TRAF7: variants seen among roughly 807,000 people sequenced by gnomAD.
TRAF7 encodes E3 ubiquitin-protein ligase TRAF7.
TRAF7 carries 45 observed loss-of-function variants against 89.3 expected under a neutral mutation model. The observed-to-expected ratio is 0.50, with a 90% CI of 0.40 to 0.65. The LOEUF is 0.65. TRAF7 is among the 30% of genes least tolerant of loss of function. The pLI is 0.00. For missense variants in TRAF7, 677 were observed against 918.1 expected (o/e 0.74, Z 3.39); for synonymous variants, 406 against 369.2 (o/e 1.10, Z -1.14).
chr16:2,174,236 C>T lies in TRAF7; in HGVS notation c.1264-15C>T, dbSNP rs370011215. 1.3e-5 allele frequency: 21 copies of T among 1,611,250 alleles called. No homozygotes were observed. The highest frequency in any genetic ancestry group is 1.7e-5 in the Non-Finnish European group (20 of 1,178,994). Reference sequence around the variant, plus strand: ...CTGACCTTGCTGGGACCCACTGTGGCCCTGGTCTCTGCAGGTGTGGGACAC... The same window carrying T: ...CTGACCTTGCTGGGACCCACTGTGGTCCTGGTCTCTGCAGGTGTGGGACAC... On this transcript the variant is annotated splice_polypyrimidine_tract_variant and intron_variant, in intron 13 of 20. Transcript: ENST00000326181.
At position 2,161,132 on chromosome 16, in the gene TRAF7, G is replaced by A. The variant is rs765526503; in HGVS notation, c.-38-2751G>A. Among the ~76,000 whole-genome samples the A allele has an allele frequency of 9.2e-5, 14 of 152,074 alleles. No homozygotes were observed. Among genetic ancestry groups the A allele is most frequent in the Non-Finnish European group, 1.9e-4 (13 of 67,946 alleles). On this transcript the variant is annotated intron_variant, in intron 1 of 20. Coordinates refer to ENST00000326181, the MANE Select transcript of TRAF7 (RefSeq NM_032271.3). The surrounding 1 kb of genome is among the most constrained non-coding windows in gnomAD (Gnocchi z 5.2). Reference sequence around the variant, plus strand: ...CTGGCTGGGGCTGAACACTGAACCCGAGTGAACTGGGAAGCAGCCTCCTGT... The same window carrying A: ...CTGGCTGGGGCTGAACACTGAACCCAAGTGAACTGGGAAGCAGCCTCCTGT...
rs1452033421 is a variant in TRAF7 at position 2,168,300 on chromosome 16, C to T, written c.231+132C>T. 2.9e-6 allele frequency: 2 copies of T among 696,418 alleles called. No homozygotes were observed. Among genetic ancestry groups the T allele is most frequent in the East Asian group, 2.9e-5 (1 of 34,190 alleles). 43.1% of individuals were successfully genotyped at this position (696,418 alleles called of 1,614,324 possible). A position where few individuals can be genotyped will look rare whatever the true frequency, so the allele number is the denominator to read the frequency against. On this transcript the variant is annotated intron_variant, in intron 4 of 20. Transcript: ENST00000326181. This position sits in a 1 kb window ranked among gnomAD's most constrained non-coding sequence, Gnocchi z 4.1. Reference sequence around the variant, plus strand: ...GGAGAAGAAGAGCACCTGTGGATACCCTGAGGCCTCGGCAGACATGGCAAG... The same window carrying T: ...GGAGAAGAAGAGCACCTGTGGATACTCTGAGGCCTCGGCAGACATGGCAAG...
intron 3 of TRAF7, among the ~76,000 whole-genome samples, chr16:2,166,542 C>T (rs1237774682): frequency 2.5e-4 from 38 of 152,086 alleles, no homozygotes; most frequent in Non-Finnish European, 2.9e-5. Context: ...GTAGCTGGGA[C>T]CACAGGCACC....
Position 2,173,211 on chromosome 16 carries a change from A to T in TRAF7, c.824A>T (p.Tyr275Phe). 6.2e-7 allele frequency: 1 copy of T among 1,611,670 alleles called. No homozygotes were observed. Reference sequence around the variant, plus strand: ...ACGTTCATCGGGAACCAGGACACTTACGAGACCCACCTGGAGACTTGCCGC... The same window carrying T: ...ACGTTCATCGGGAACCAGGACACTTTCGAGACCCACCTGGAGACTTGCCGC... ...GCTFIGNQDT[Y>F]ETHLETCRFE... The change falls in exon 10 of 21, where the codon TAC becomes TTC. Residue 275 changes from tyrosine to phenylalanine, a missense_variant. Coordinates refer to ENST00000326181, the MANE Select transcript of TRAF7 (RefSeq NM_032271.3).
At chr16:2,165,078 C>T (rs28875774) in intron 2 of TRAF7, among the ~76,000 whole-genome samples, 1 of 112,486 alleles carries the variant, frequency 8.9e-6, no homozygotes. Flanking sequence ...GTGAGTGCTG[C>T]ATGGCCTGGC....
At chr16:2,169,487 G>C (rs1325447105) in intron 4 of TRAF7, among the ~76,000 whole-genome samples, 1 of 152,088 alleles carries the variant, frequency 6.6e-6, no homozygotes, top group East Asian at 1.9e-4. Context: ...TTTCAAGAGA[G>C]GCGGGTACCT....
In TRAF7 at chr16:2,161,786, C is replaced by T. The variant is rs1209320452; in HGVS notation, c.-38-2097C>T. ...TCACCCCAAGCACAATGGCAAAAGG[C>T]AAGCCCTGGCCAGCTCTCCCCGACC... is the stretch of plus-strand genomic sequence containing the variant. On this transcript the variant is annotated intron_variant, in intron 1 of 20. Transcript: ENST00000326181. This position sits in a 1 kb window ranked among gnomAD's most constrained non-coding sequence, Gnocchi z 5.2. Among the ~76,000 whole-genome samples the T allele has an allele frequency of 6.6e-6, 1 of 152,216 alleles. No individual in the cohort carries two copies. Among genetic ancestry groups the T allele is most frequent in the African/African-American group, 2.4e-5 (1 of 41,462 alleles).
chr16:2,157,956 G>A (rs775440517), intron 1 of TRAF7, among the ~76,000 whole-genome samples: 8 of 152,152 alleles, frequency 5.3e-5, no homozygotes, highest in Non-Finnish European at 8.8e-5. Context: ...ATCTTCTCTC[G>A]GCTCCTTCCA....
Position 2,162,768 on chromosome 16 carries a change from G to A in TRAF7, c.-38-1115G>A, listed in dbSNP as rs574361791. On this transcript the variant is annotated intron_variant, in intron 1 of 20. Transcript: ENST00000326181. This position sits in a 1 kb window ranked among gnomAD's most constrained non-coding sequence, Gnocchi z 5.0. ...GAGGTGGACAGTGCAGGTGGGCCCGGGGCAGGAGTCCTGGGCACGTGGCCT... is the reference window on the plus strand; with the variant it reads ...GAGGTGGACAGTGCAGGTGGGCCCGAGGCAGGAGTCCTGGGCACGTGGCCT... 2.0e-5 allele frequency among the ~76,000 whole-genome samples: 3 copies of A among 152,056 alleles called. No homozygotes were observed. The highest frequency in any genetic ancestry group is 7.2e-5 in the African/African-American group (3 of 41,422).
Position 2,163,055 on chromosome 16 carries a change from TTCTC to T in TRAF7, c.-38-824_-38-821del, listed in dbSNP as rs1297466402. On this transcript the variant is annotated intron_variant, in intron 1 of 20. Coordinates refer to ENST00000326181, the MANE Select transcript of TRAF7 (RefSeq NM_032271.3). The surrounding 1 kb of genome is among the most constrained non-coding windows in gnomAD (Gnocchi z 4.3). ...TGTGACCTGTTGGCTGGGTCTCTTT[TTCTC>T]TCTAATGTTTACCTTCCCCTACTGG... is the stretch of plus-strand genomic sequence containing the variant. Among the ~76,000 whole-genome samples, 5 of 152,114 alleles carry T rather than the reference TTCTC, an allele frequency of 3.3e-5. No homozygotes were observed. The highest frequency in any genetic ancestry group is 1.2e-4 in the African/African-American group (5 of 41,420).
intron 2 of TRAF7, among the ~76,000 whole-genome samples, chr16:2,164,234 G>A (rs1160176464): frequency 6.6e-6 from 1 of 150,902 alleles, no homozygotes. Flanking sequence ...CGGCCTGGTT[G>A]CATGGTTAAG....
chr16:2,164,149 TGTGTGTGTGTGCGCGCGCGC>T (rs2093069061), intron 2 of TRAF7, 148 bp downstream of exon 2: 1 of 556,670 alleles, frequency 1.8e-6, no homozygotes, highest in Non-Finnish European at 3.1e-6. Context: ...GGTGTGTGTG[TGTGTGTGTGTGCGCGCGCGC>T]GCGCGCGCGC....
At chr16:2,166,735 G>C (rs996819566) in intron 3 of TRAF7, among the ~76,000 whole-genome samples, 1 of 152,210 alleles carries the variant, frequency 6.6e-6, no homozygotes, top group Non-Finnish European at 1.5e-5. Flanking sequence ...ACCACTGGGC[G>C]GGATACACGA....
Position 2,176,649 on chromosome 16 carries a change from G to C in TRAF7, c.*75G>C, listed in dbSNP as rs913135751. On this transcript the variant is annotated 3_prime_UTR_variant, in exon 21 of 21. Transcript: ENST00000326181. ...CTGAGCCAGGCTGGCCACATGGGGT[G>C]GTCTCGGGGTTTCTGCCTGCCCCGT... The C allele has an allele frequency of 1.1e-5, 17 of 1,609,510 alleles. No homozygotes were observed. The highest frequency in any genetic ancestry group is 1.4e-5 in the Non-Finnish European group (17 of 1,177,810).
chr16:2,165,630 A>G (rs1254186429), intron 2 of TRAF7, among the ~76,000 whole-genome samples: 3 of 135,490 alleles, frequency 2.2e-5, no homozygotes, highest in African/African-American at 8.6e-5. Flanking sequence ...GCCTGGTCGC[A>G]TGGTTAAGCG....
In TRAF7 at chr16:2,162,003, C is replaced by T. The variant is rs2093059975; in HGVS notation, c.-38-1880C>T. ...TCCCCCGAGAGCCTAGTCTGGGTCA[C>T]ACAGGGCCAAGCCCCTCGAGTCGCA... On this transcript the variant is annotated intron_variant, in intron 1 of 20. Transcript: ENST00000326181. The surrounding 1 kb of genome is among the most constrained non-coding windows in gnomAD (Gnocchi z 5.0). Among the ~76,000 whole-genome samples the T allele has an allele frequency of 6.6e-6, 1 of 152,218 alleles. No individual in the cohort carries two copies.
In TRAF7 at chr16:2,176,331, C is replaced by T. The variant is rs1253382586; in HGVS notation, c.1945C>T (p.Leu649=). The T allele has an allele frequency of 1.2e-6, 2 of 1,604,682 alleles. No individual in the cohort carries two copies. The highest frequency in any genetic ancestry group is 1.7e-6 in the Non-Finnish European group (2 of 1,178,324). The part of the protein sequence containing the change: ...LLRHQGSVTA[L]AVSRGRLFSG... ...GCGTCACCAGGGCAGTGTCACCGCG[C>T]TGGCTGTGTCCCGGGGCCGACTCTT... is the stretch of plus-strand genomic sequence containing the variant. The change falls in exon 20 of 21, where the codon CTG becomes TTG. Residue 649 remains leucine, a synonymous_variant. Transcript: ENST00000326181.
At chr16:2,170,390 C>G (rs1250745765) in intron 4 of TRAF7, among the ~76,000 whole-genome samples, 1 of 152,248 alleles carries the variant, frequency 6.6e-6, no homozygotes, top group Non-Finnish European at 1.5e-5. Flanking sequence ...GAGCGGGCAG[C>G]CCAGCACCCC....
chr16:2,172,134 G>A (rs202091559), intron 7 of TRAF7, 57 bp from the exon 8 acceptor site: 30 of 1,602,638 alleles, frequency 1.9e-5, no homozygotes, highest in South Asian at 5.6e-5. Context: ...ATGCCCACCC[G>A]GGTGAGGGAG....
Sources: gnomAD v4.1 joint callset for allele counts (sites outside exome capture counted in the v4.1 genomes callset) on GRCh38, gnomAD v4.1.1 for gene constraint, Gnocchi (gnomAD v3.1) non-coding constraint, MANE v1.5 for transcripts, NCBI Gene and HGNC (gene_info 2026-07-23, HGNC 2026-07-21) for gene names.